Variants in BCAS3 observed in about 807,000 individuals in gnomAD.
BCAS3 encodes the protein BCAS4/BCAS3 fusion.
A neutral mutation model predicts 116.1 loss-of-function variants in BCAS3; 53 were observed. That is an observed-to-expected ratio of 0.46 (90% confidence interval 0.37 to 0.57). BCAS3 has a LOEUF of 0.57. Ranked by LOEUF, BCAS3 falls within the 20% of genes least tolerant of loss-of-function variation. BCAS3 has a pLI of 0.00. For missense variants in BCAS3, 917 were observed against 1,165.4 expected, an observed-to-expected ratio of 0.79 and a Z score of 3.10; for synonymous variants, 391 against 408.2, an observed-to-expected ratio of 0.96 and a Z score of 0.51.
In BCAS3 at chr17:61,029,315, A is replaced by G. The variant is rs2145581082; in HGVS notation, c.1638-5351A>G. Among the ~76,000 whole-genome samples the G allele has an allele frequency of 6.6e-6, 1 of 152,088 alleles. No homozygotes were observed. Among genetic ancestry groups the G allele is most frequent in the Admixed American group, 6.6e-5 (1 of 15,264 alleles). On this transcript the variant is annotated intron_variant, in intron 16 of 23. Transcript: ENST00000407086. The surrounding 1 kb of genome is among the most constrained non-coding windows in gnomAD (Gnocchi z 5.2). ...TTCATATACTTTCAGATGAGTCGTT[A>G]TAAAATACAGTCGTTCCCTTTGGTA...
At chr17:60,727,637 C>T (rs997633571) in intron 5 of BCAS3, among the ~76,000 whole-genome samples, 2 of 152,000 alleles carry the variant, frequency 1.3e-5, no homozygotes, top group Non-Finnish European at 1.5e-5. Context: ...AGAAAGTATA[C>T]GGAGGTCCCG....
In BCAS3 at chr17:61,211,639, T is replaced by G. The variant is rs902010506; in HGVS notation, c.2425+127075T>G. On this transcript the variant is annotated intron_variant, in intron 22 of 23. Transcript: ENST00000407086. This position sits in a 1 kb window ranked among gnomAD's most constrained non-coding sequence, Gnocchi z 4.4. ...GGAATTATGCATCATTAGACTGAAC[T>G]TCTTATGTTTGCATCCAGGTCATTT... Among the ~76,000 whole-genome samples, 3 of 150,178 alleles carry G rather than the reference T, an allele frequency of 2.0e-5. No homozygotes were observed. Among genetic ancestry groups the G allele is most frequent in the African/African-American group, 7.4e-5 (3 of 40,814 alleles).
chr17:61,094,024 T>A (rs1406209371), intron 22 of BCAS3, among the ~76,000 whole-genome samples: 1 of 152,218 alleles, frequency 6.6e-6, no homozygotes, highest in Non-Finnish European at 1.5e-5. Context: ...TTTGCCTTTG[T>A]TTTTTCTACT....
Position 61,199,867 on chromosome 17 carries a change from G to A in BCAS3, c.2425+115303G>A, listed in dbSNP as rs16944996. Reference sequence around the variant, plus strand: ...TGTCTTTCTAGACATCCACCTTACTGCAGGGCCCTAGGGTCATAACCTCTT... The same window carrying A: ...TGTCTTTCTAGACATCCACCTTACTACAGGGCCCTAGGGTCATAACCTCTT... On this transcript the variant is annotated intron_variant, in intron 22 of 23. Coordinates refer to ENST00000407086, the MANE Select transcript of BCAS3 (RefSeq NM_017679.5). The surrounding 1 kb of genome is among the most constrained non-coding windows in gnomAD (Gnocchi z 4.6). Among the ~76,000 whole-genome samples the A allele has an allele frequency of 0.037, 5,670 of 152,156 alleles. 364 individuals are homozygous for A. Among genetic ancestry groups the A allele is most frequent in the African/African-American group, 0.13 (5,375 of 41,464 alleles).
chr17:61,105,927 T>G lies in BCAS3; in HGVS notation c.2425+21363T>G, dbSNP rs965861148. Among the ~76,000 whole-genome samples, 3 of 152,228 alleles carry G rather than the reference T, an allele frequency of 2.0e-5. No individual in the cohort carries two copies. Among genetic ancestry groups the G allele is most frequent in the African/African-American group, 7.2e-5 (3 of 41,464 alleles). On this transcript the variant is annotated intron_variant, in intron 22 of 23. Transcript: ENST00000407086. This position sits in a 1 kb window ranked among gnomAD's most constrained non-coding sequence, Gnocchi z 4.3. ...TTCATACATGTTCAATTTTGTGCCT[T>G]TCTGAGTAGCCTGGTGAAATCTTAC...
intron 5 of BCAS3, among the ~76,000 whole-genome samples, chr17:60,710,458 G>C (rs369029013): frequency 6.9e-6 from 1 of 145,842 alleles, no homozygotes; most frequent in African/African-American, 2.5e-5. Context: ...TTGAGACAGA[G>C]TTTCACTCTG....
chr17:60,721,822 A>G (rs1002140531), intron 5 of BCAS3, among the ~76,000 whole-genome samples: 10 of 152,138 alleles, frequency 6.6e-5, no homozygotes, highest in African/African-American at 1.9e-4. Context: ...CAGTACCTCA[A>G]AAGAATCCCT....
At chr17:60,876,891 C>T (rs1189369540) in intron 9 of BCAS3, among the ~76,000 whole-genome samples, 1 of 152,012 alleles carries the variant, frequency 6.6e-6, no homozygotes, top group Admixed American at 6.6e-5. Flanking sequence ...CATGTCCTTG[C>T]CAACATAAAA....
chr17:60,882,335 A>G (rs1036817211), intron 9 of BCAS3, among the ~76,000 whole-genome samples: 12 of 147,202 alleles, frequency 8.2e-5, no homozygotes, highest in South Asian at 6.4e-4. Flanking sequence ...TAGATTCTGG[A>G]TATTAGCCCT....
Position 61,144,209 on chromosome 17 carries a change from AT to A in BCAS3, c.2425+59655del, listed in dbSNP as rs1013089403. Among the ~76,000 whole-genome samples the A allele has an allele frequency of 2.7e-5, 4 of 149,414 alleles. No individual in the cohort carries two copies. Among genetic ancestry groups the A allele is most frequent in the South Asian group, 2.1e-4 (1 of 4,702 alleles). On this transcript the variant is annotated intron_variant, in intron 22 of 23. Coordinates refer to ENST00000407086, the MANE Select transcript of BCAS3 (RefSeq NM_017679.5). This position sits in a 1 kb window ranked among gnomAD's most constrained non-coding sequence, Gnocchi z 5.0. Reference sequence around the variant, plus strand: ...AGGCAGAATAAATTTTGGAGCATGGATTTTTTTTTTAAGGAGGGTTATAGTA... The same window carrying A: ...AGGCAGAATAAATTTTGGAGCATGGATTTTTTTTTAAGGAGGGTTATAGTA...
At chr17:60,970,644 C>T (rs568987516) in intron 14 of BCAS3, among the ~76,000 whole-genome samples, 10 of 152,146 alleles carry the variant, frequency 6.6e-5, no homozygotes, top group South Asian at 6.2e-4. Flanking sequence ...AATGTATGCA[C>T]GTAGACTCAG....
intron 22 of BCAS3, among the ~76,000 whole-genome samples, chr17:61,209,049 T>C (rs1279223250): frequency 1.3e-5 from 2 of 152,140 alleles, no homozygotes; most frequent in Non-Finnish European, 2.9e-5. Flanking sequence ...CAACCAGCTG[T>C]TCTCAGCCTG....
chr17:61,223,796 G>A (rs1602007568), intron 22 of BCAS3, among the ~76,000 whole-genome samples: 1 of 152,140 alleles, frequency 6.6e-6, no homozygotes, highest in South Asian at 2.1e-4. Flanking sequence ...CACCTCTGAG[G>A]GCCTTTGATG....
chr17:61,226,720 T>C lies in BCAS3; in HGVS notation c.2426-141607T>C, dbSNP rs2082389699. On this transcript the variant is annotated intron_variant, in intron 22 of 23. Transcript: ENST00000407086. This position sits in a 1 kb window ranked among gnomAD's most constrained non-coding sequence, Gnocchi z 6.0. ...GAGAACCTTATCTCTTAGAAACCTT[T>C]AATTGACTACCTAATATGTGCCAGA... 6.6e-6 allele frequency among the ~76,000 whole-genome samples: 1 copy of C among 152,230 alleles called. No homozygotes were observed. The highest frequency in any genetic ancestry group is 1.5e-5 in the Non-Finnish European group (1 of 68,038).
At position 61,021,000 on chromosome 17, in the gene BCAS3, T is replaced by C. The variant is rs1177878723; in HGVS notation, c.1637+5099T>C. Among the ~76,000 whole-genome samples, 1 of 152,160 alleles carries C rather than the reference T, an allele frequency of 6.6e-6. No homozygotes were observed. Among genetic ancestry groups the C allele is most frequent in the African/African-American group, 2.4e-5 (1 of 41,452 alleles). On this transcript the variant is annotated intron_variant, in intron 16 of 23. Coordinates refer to ENST00000407086, the MANE Select transcript of BCAS3 (RefSeq NM_017679.5). The surrounding 1 kb of genome is among the most constrained non-coding windows in gnomAD (Gnocchi z 4.5). ...TCTCGTAGGTTTCCTTTTCCTTAAA[T>C]GGAAGTAGCTCCTCATTTCTTTCCC...
chr17:61,311,130 AG>A (rs757008060), intron 22 of BCAS3, among the ~76,000 whole-genome samples: 6 of 152,236 alleles, frequency 3.9e-5, no homozygotes, highest in Non-Finnish European at 8.8e-5. Context: ...ACTGCTTGGC[AG>A]TAAATGCTAT....
At chr17:61,260,210 AC>A (rs1310610096) in intron 22 of BCAS3, among the ~76,000 whole-genome samples, 1 of 152,186 alleles carries the variant, frequency 6.6e-6, no homozygotes, top group African/African-American at 2.4e-5. Flanking sequence ...ACACTAACTT[AC>A]CAGAAATTCC....
At position 61,355,793 on chromosome 17, in the gene BCAS3, C is replaced by T. The variant is rs73993470; in HGVS notation, c.2426-12534C>T. On this transcript the variant is annotated intron_variant, in intron 22 of 23. Transcript: ENST00000407086. The surrounding 1 kb of genome is among the most constrained non-coding windows in gnomAD (Gnocchi z 4.2). ...CTAATTATTTGGAATGAGGACTGTC[C>T]TAGAAAACCCAGTTTGTATGCTTGC... Among the ~76,000 whole-genome samples the T allele has an allele frequency of 0.02, 2,989 of 152,242 alleles. 101 individuals are homozygous for T. The highest frequency in any genetic ancestry group is 0.067 in the African/African-American group (2,791 of 41,534).
At chr17:60,811,249 C>T in intron 7 of BCAS3, 1 of 897,154 alleles carries the variant, frequency 1.1e-6, no homozygotes, top group South Asian at 1.4e-5. Context: ...AGCGCCAGGC[C>T]CAGGAGTAGG....
Sources: allele counts gnomAD v4.1 joint callset (sites outside exome capture counted in the v4.1 genomes callset), GRCh38; gene constraint gnomAD v4.1.1; non-coding constraint Gnocchi (gnomAD v3.1); transcripts MANE v1.5; gene names NCBI Gene and HGNC (gene_info 2026-07-23, HGNC 2026-07-21).